The following SLC2A7 variants were observed in gnomAD, a reference collection of about 807,000 sequenced individuals.
SLC2A7 encodes the protein solute carrier family 2 member 7.
In SLC2A7, 50 loss-of-function variants were observed where a neutral mutation model predicts 50.5. The ratio of observed to expected loss-of-function variants is 0.99; its 90% CI spans 0.79 to 1.25. The LOEUF (loss-of-function observed/expected upper bound fraction) is 1.25. Among genes scored for constraint, SLC2A7 ranks in the 50% most tolerant of loss-of-function variants. The pLI is 0.00. For synonymous variants in SLC2A7, 308 were observed against 300.4 expected (o/e 1.03, Z -0.26); for missense variants, 683 against 679.1 (o/e 1.01, Z -0.06).
chr1:8,994,913 G>C, the SLC2A7 span, among the ~76,000 whole-genome samples: 1 of 151,706 alleles, frequency 6.6e-6, no homozygotes, highest in African/African-American at 2.4e-5. Flanking sequence ...TGGGATTACA[G>C]GGGCTCAACA....
downstream of SLC2A7, among the ~76,000 whole-genome samples, chr1:9,002,385 G>A (rs149240672): frequency 3.9e-4 from 60 of 152,332 alleles, no homozygotes; most frequent in East Asian, 0.011. Flanking sequence ...ACTGAGATAG[G>A]AGAAAACTGC....
chr1:9,000,619 AAAAT>A (rs557332669), downstream of SLC2A7, among the ~76,000 whole-genome samples: 5 of 152,102 alleles, frequency 3.3e-5, no homozygotes, highest in Non-Finnish European at 7.4e-5. Flanking sequence ...ACTCTGTCTC[AAAAT>A]AAATAAATAA....
In SLC2A7 at chr1:9,013,654, C is replaced by T; in HGVS notation, c.904-19G>A. On this transcript the variant is annotated intron_variant, in intron 7 of 11. Coordinates refer to ENST00000400906, the MANE Select transcript of SLC2A7 (RefSeq NM_207420.3). ...AGTTGATCTAAACAAAAACACAGGG[C>T]TGTCAGGACAGGCCGGAAGACCCAG... is the stretch of plus-strand genomic sequence containing the variant. 2 of 1,606,860 alleles carry T rather than the reference C, an allele frequency of 1.2e-6. No individual in the cohort carries two copies. The highest frequency in any genetic ancestry group is 1.7e-6 in the Non-Finnish European group (2 of 1,174,050).
At chr1:9,009,793 T>G (rs542663769) in intron 9 of SLC2A7, among the ~76,000 whole-genome samples, 60 of 152,348 alleles carry the variant, frequency 3.9e-4, no homozygotes, top group African/African-American at 1.4e-3. Flanking sequence ...CTTCTGGTCT[T>G]TCCTTAACCC....
chr1:9,012,367 G>A (rs1451381169), intron 8 of SLC2A7, among the ~76,000 whole-genome samples: 2 of 152,180 alleles, frequency 1.3e-5, no homozygotes. Flanking sequence ...CCCCAAGGAG[G>A]AGGACTCTGA....
At chr1:9,000,187 G>T (rs1339829284), downstream of SLC2A7, among the ~76,000 whole-genome samples, 2 of 152,108 alleles carry the variant, frequency 1.3e-5, no homozygotes, top group Admixed American at 6.6e-5. Flanking sequence ...CCAGGTGCGG[G>T]GGCTGACTCC....
At chr1:8,994,344 G>A in the SLC2A7 span, among the ~76,000 whole-genome samples, 16 of 152,290 alleles carry the variant, frequency 1.1e-4, no homozygotes, top group Non-Finnish European at 1.9e-4. Context: ...TGTAAGCCAA[G>A]CAAAGTTCAA....
intron 5 of SLC2A7, among the ~76,000 whole-genome samples, chr1:9,017,467 CAAG>C: frequency 6.6e-6 from 1 of 152,332 alleles, no homozygotes; most frequent in African/African-American, 2.4e-5. Flanking sequence ...GTACAGAGGC[CAAG>C]AAGGACCTAC....
At chr1:9,014,165 C>T (rs187797823) in intron 7 of SLC2A7, among the ~76,000 whole-genome samples, 8 of 152,368 alleles carry the variant, frequency 5.3e-5, no homozygotes, top group East Asian at 1.9e-4. Flanking sequence ...CACCTCTTCC[C>T]GACACGCCAC....
chr1:9,012,742 C>T (rs1362220815), intron 8 of SLC2A7, among the ~76,000 whole-genome samples: 3 of 152,088 alleles, frequency 2.0e-5, no homozygotes, highest in East Asian at 1.9e-4. Flanking sequence ...TATATCAAAG[C>T]GTAAGTAGCT....
downstream of SLC2A7, among the ~76,000 whole-genome samples, chr1:8,998,594 T>G (rs1355748326): frequency 6.6e-6 from 1 of 152,136 alleles, no homozygotes; most frequent in African/African-American, 2.4e-5. Flanking sequence ...TTGCTCAAAA[T>G]TGTTTTGGTT....
At chr1:8,996,493 C>T in the SLC2A7 span, among the ~76,000 whole-genome samples, 530 of 152,286 alleles carry the variant, frequency 3.5e-3, 1 homozygote, top group African/African-American at 0.012. Flanking sequence ...CATTTGTGTG[C>T]ATGTCTTTGT....
At chr1:9,015,436 T>C (rs571914166) in intron 5 of SLC2A7, among the ~76,000 whole-genome samples, 194 bp from the exon 6 acceptor site, 1 of 152,322 alleles carries the variant, frequency 6.6e-6, no homozygotes, top group Non-Finnish European at 1.5e-5. Context: ...TTACACGTCA[T>C]TAATTATTTT....
rs1312106117 is a variant in SLC2A7 at position 9,018,205 on chromosome 1, T to C, written c.589+18A>G. 1.2e-6 allele frequency: 2 copies of C among 1,614,014 alleles called. No individual in the cohort carries two copies. The highest frequency in any genetic ancestry group is 2.2e-5 in the South Asian group (2 of 91,064). On this transcript the variant is annotated intron_variant, in intron 5 of 11. Transcript: ENST00000400906. ...ACGAGAGACTGGACCTAGCGTGACC[T>C]CTGCGGCTGCCGGTTACCTGCCGGG...
intron 9 of SLC2A7, 55 bp from the exon 10 acceptor site, chr1:9,007,440 G>T: frequency 6.4e-7 from 1 of 1,569,940 alleles, no homozygotes; most frequent in Non-Finnish European, 8.7e-7. Flanking sequence ...ACGTGCGGGG[G>T]GGTCCACCTG....
At chr1:8,996,659 A>G in the SLC2A7 span, among the ~76,000 whole-genome samples, 1 of 152,234 alleles carries the variant, frequency 6.6e-6, no homozygotes, top group African/African-American at 2.4e-5. Context: ...CCCGCGTTCC[A>G]GTTGCCCCTC....
At position 9,018,287 on chromosome 1, in the gene SLC2A7, G is replaced by A. The variant is rs376817551; in HGVS notation, c.525C>T (p.Phe175=). 51 of 1,614,042 alleles carry A rather than the reference G, an allele frequency of 3.2e-5. No individual in the cohort carries two copies. The highest frequency in any genetic ancestry group is 4.5e-5 in the East Asian group (2 of 44,898). ...RGMVGTMTEV[F]VIVGVFLAQI... ...GTGCTAGGAAGACTCCAACGATGAC[G>A]AAAACCTCGGTCATTGTTCCCACCA... The change falls in exon 5 of 12, where the codon TTC becomes TTT. Residue 175 remains phenylalanine (F), a synonymous_variant. Transcript: ENST00000400906.
intron 1 of SLC2A7, 23 bp from the exon 2 acceptor site, chr1:9,025,097 C>A: frequency 2.2e-5 from 36 of 1,611,980 alleles, no homozygotes; most frequent in Non-Finnish European, 3.1e-5. Flanking sequence ...AGTCCAAGGT[C>A]GGGACGCTGT....
downstream of SLC2A7, among the ~76,000 whole-genome samples, chr1:9,002,819 G>A (rs574415729): frequency 1.3e-5 from 2 of 152,284 alleles, no homozygotes; most frequent in East Asian, 1.9e-4. Context: ...CCCTGTGATC[G>A]ACAGGACAGA....
Sources: gnomAD v4.1 joint callset for allele counts (sites outside exome capture counted in the v4.1 genomes callset) on GRCh38, gnomAD v4.1.1 for gene constraint, MANE v1.5 for transcripts, NCBI Gene and HGNC (gene_info 2026-07-23, HGNC 2026-07-21) for gene names.